BLTP1: variants seen among roughly 807,000 people sequenced by gnomAD.
BLTP1 encodes fragile site-associated protein.
the BLTP1 span, chr4:122,251,195 C>T: frequency 1.1e-6 from 1 of 890,520 alleles, no homozygotes; most frequent in Non-Finnish European, 1.3e-6. Context: ...ATTGACCTTG[C>T]AGCGTTGTGA....
chr4:122,353,681 T>C, the BLTP1 span: 1 of 1,091,652 alleles, frequency 9.2e-7, no homozygotes, highest in African/African-American at 1.6e-5. This position sits in a 1 kb window ranked among gnomAD's most constrained non-coding sequence, Gnocchi z 4.3. Flanking sequence ...ATTTGGTTTT[T>C]ATCCTCATTT....
the BLTP1 span, among the ~76,000 whole-genome samples, chr4:122,241,110 G>A: frequency 3.9e-5 from 6 of 152,246 alleles, no homozygotes; most frequent in East Asian, 1.2e-3. Context: ...AATAACAAGG[G>A]GTGGGGACAC....
At chr4:122,220,423 C>T in the BLTP1 span, 1 of 1,612,026 alleles carries the variant, frequency 6.2e-7, no homozygotes, top group African/African-American at 1.3e-5. Flanking sequence ...GACCATGCTG[C>T]AACTTATCCT....
At chr4:122,345,124 C>A in the BLTP1 span, 1 of 713,846 alleles carries the variant, frequency 1.4e-6, no homozygotes, top group Non-Finnish European at 1.7e-6. Context: ...TCACTTAACC[C>A]AATATTCTGA....
chr4:122,173,264 A>G, the BLTP1 span: 1 of 1,147,518 alleles, frequency 8.7e-7, no homozygotes, highest in Non-Finnish European at 1.2e-6. Context: ...TATAAAGAGA[A>G]GCAATTTATG....
the BLTP1 span, chr4:122,203,739 TAAAC>T: frequency 6.7e-6 from 2 of 297,730 alleles, no homozygotes; most frequent in Non-Finnish European, 9.9e-6. Context: ...AACTGGTAGG[TAAAC>T]TAATTATAAA....
At chr4:122,186,378 A>T in the BLTP1 span, among the ~76,000 whole-genome samples, 2 of 152,012 alleles carry the variant, frequency 1.3e-5, no homozygotes, top group Admixed American at 1.3e-4. Context: ...ATTATTTTAG[A>T]AATTGAGATA....
At chr4:122,257,442 G>A in the BLTP1 span, 3 of 1,614,080 alleles carry the variant, frequency 1.9e-6, no homozygotes, top group Non-Finnish European at 2.5e-6. Context: ...GACAATGGGG[G>A]TGGTCTTCAA....
At chr4:122,181,342 A>G in the BLTP1 span, 1 of 377,170 alleles carries the variant, frequency 2.7e-6, no homozygotes, top group South Asian at 1.1e-4. Context: ...TGATAGAGCA[A>G]TTCAAAAACT....
chr4:122,219,787 CCTT>C, the BLTP1 span, among the ~76,000 whole-genome samples: 25 of 152,084 alleles, frequency 1.6e-4, no homozygotes, highest in African/African-American at 5.8e-4. Flanking sequence ...AACTTTAGCT[CCTT>C]CTTTGCTATA....
chr4:122,321,019 G>C, the BLTP1 span, among the ~76,000 whole-genome samples: 6 of 142,652 alleles, frequency 4.2e-5, no homozygotes, highest in Admixed American at 3.6e-4. Flanking sequence ...GGTTGCCCTA[G>C]AGACTGCAGT....
the BLTP1 span, chr4:122,248,198 G>T: frequency 2.6e-6 from 2 of 782,014 alleles, no homozygotes; most frequent in Non-Finnish European, 1.6e-6. Flanking sequence ...GACTACCTAA[G>T]ATCTGTAGTC....
the BLTP1 span, chr4:122,359,811 A>G: frequency 2.0e-6 from 3 of 1,486,290 alleles, no homozygotes; most frequent in Non-Finnish European, 2.7e-6. Flanking sequence ...TATGATTATC[A>G]AAAAATATAT....
chr4:122,254,670 AT>A, the BLTP1 span: 1 of 1,213,678 alleles, frequency 8.2e-7, no homozygotes, highest in Non-Finnish European at 1.1e-6. Context: ...TGCTTTCATA[AT>A]TTATCAGTGC....
At chr4:122,340,769 G>A in the BLTP1 span, 3 of 983,314 alleles carry the variant, frequency 3.1e-6, no homozygotes, top group Non-Finnish European at 3.6e-6. Context: ...TATTGTAGTG[G>A]TAGTGTTGGT....
At chr4:122,162,735 CAA>C in the BLTP1 span, 38 of 717,428 alleles carry the variant, frequency 5.3e-5, no homozygotes, top group East Asian at 2.7e-4. Flanking sequence ...ACAACAACAA[CAA>C]AAAAAAAACT....
chr4:122,171,898 G>T, the BLTP1 span: 14 of 985,048 alleles, frequency 1.4e-5, 1 homozygote, highest in South Asian at 4.2e-4. Flanking sequence ...AAAAGACTAC[G>T]ATTCCTGGCT....
At chr4:122,162,745 A>G in the BLTP1 span, 1 of 550,864 alleles carries the variant, frequency 1.8e-6, no homozygotes, top group Non-Finnish European at 2.3e-6. Context: ...CAAAAAAAAA[A>G]CTGGGAGTAA....
chr4:122,250,828 T>C, the BLTP1 span: 1 of 604,012 alleles, frequency 1.7e-6, no homozygotes, highest in South Asian at 7.4e-5. Context: ...AGATACCTAA[T>C]AAATATTTGT....
Sources: allele counts gnomAD v4.1 joint callset (sites outside exome capture counted in the v4.1 genomes callset), GRCh38; gene constraint gnomAD v4.1.1; non-coding constraint Gnocchi (gnomAD v3.1); transcripts MANE v1.5; gene names NCBI Gene and HGNC (gene_info 2026-07-23, HGNC 2026-07-21).